The following AARS1 variants were observed in gnomAD, a reference collection of about 807,000 sequenced individuals.
AARS1 encodes alanine--tRNA ligase, cytoplasmic.
AARS1 carries 72 observed loss-of-function variants against 108.9 expected under a neutral mutation model. The ratio of observed to expected loss-of-function variants is 0.66; its 90% CI spans 0.55 to 0.80. AARS1 has a LOEUF of 0.80. Ranked by LOEUF, AARS1 falls within the 30% of genes least tolerant of loss-of-function variation. The pLI is 0.00. For synonymous variants in AARS1, 489 were observed against 465.7 expected, an observed-to-expected ratio of 1.05 and a Z score of -0.64; for missense variants, 1,193 against 1,233.2, an observed-to-expected ratio of 0.97 and a Z score of 0.49.
In AARS1 at chr16:70,257,997, G is replaced by A. The variant is rs749859755; in HGVS notation, c.2177+36C>T. The A allele has an allele frequency of 1.4e-5, 22 of 1,611,364 alleles. 1 individual carries two copies. In the South Asian group the frequency reaches 2.4e-4, roughly 18 times the overall value. On this transcript the variant is annotated intron_variant, in intron 15 of 20. Transcript: ENST00000261772. ...CCTACATCCTCAGAGGATGAAGGTA[G>A]ATGACCTGTCTACTCTGCCCCTCTG... is the stretch of plus-strand genomic sequence containing the variant.
In AARS1 at chr16:70,262,340, G is replaced by C; in HGVS notation, c.1671+6C>G. 1 of 1,614,120 alleles carries C rather than the reference G, an allele frequency of 6.2e-7. No homozygotes were observed. Among genetic ancestry groups the C allele is most frequent in the Non-Finnish European group, 8.5e-7 (1 of 1,180,006 alleles). On this transcript the variant is annotated splice_donor_region_variant and intron_variant, in intron 12 of 20. Transcript: ENST00000261772. ...CTCGGCTAACAAGGAAGAACTGTTG[G>C]CTCACATCTTCACTGCTGTCATCCA...
intron 2 of AARS1, among the ~76,000 whole-genome samples, chr16:70,279,728 G>A (rs1211727397): frequency 6.6e-6 from 1 of 151,484 alleles, no homozygotes; most frequent in Admixed American, 6.6e-5. Context: ...TCTTGTTCAG[G>A]CGGCTCATGT....
At chr16:70,285,032 C>T (rs1567613599) in intron 1 of AARS1, among the ~76,000 whole-genome samples, 1 of 152,150 alleles carries the variant, frequency 6.6e-6, no homozygotes, top group South Asian at 2.1e-4. Flanking sequence ...GAGTTGAAGA[C>T]CAGCCTGGCC....
intron 4 of AARS1, among the ~76,000 whole-genome samples, chr16:70,275,760 C>A (rs1960531693): frequency 6.8e-6 from 1 of 148,066 alleles, no homozygotes; most frequent in Non-Finnish European, 1.5e-5. Flanking sequence ...GAGACTCCAA[C>A]AACAACAACA....
At chr16:70,285,223 C>G (rs1311971094) in intron 1 of AARS1, among the ~76,000 whole-genome samples, 2 of 146,972 alleles carry the variant, frequency 1.4e-5, no homozygotes, top group African/African-American at 5.2e-5. Flanking sequence ...AGGGAGACTC[C>G]GTCTAAAAAA....
intron 2 of AARS1, among the ~76,000 whole-genome samples, chr16:70,281,121 C>T (rs772705230): frequency 1.1e-4 from 16 of 152,158 alleles, no homozygotes; most frequent in Admixed American, 3.9e-4. Flanking sequence ...TGAGCCACTG[C>T]GCCCAGCCTC....
intron 11 of AARS1, 128 bp from the exon 12 acceptor site, chr16:70,262,652 GA>G (rs1348016144): frequency 9.8e-7 from 1 of 1,015,466 alleles, no homozygotes. Flanking sequence ...TTGTATTTTG[GA>G]AGCAAACTCA....
intron 13 of AARS1, among the ~76,000 whole-genome samples, chr16:70,259,457 G>A (rs1020208070): frequency 8.5e-5 from 13 of 152,170 alleles, no homozygotes; most frequent in East Asian, 5.8e-4. Context: ...GCCAAATGAC[G>A]GCCGATGGCT....
intron 1 of AARS1, among the ~76,000 whole-genome samples, chr16:70,289,129 C>T (rs963589976): frequency 6.6e-6 from 1 of 152,156 alleles, no homozygotes; most frequent in Non-Finnish European, 1.5e-5. Flanking sequence ...GCCCATCCTT[C>T]CTCCCGTGCC....
rs769571418 is a variant in AARS1 at position 70,258,190 on chromosome 16, C to G, written c.2020G>C (p.Ala674Pro). The change falls in exon 15 of 21, where the codon GCA becomes CCA. Residue 674 changes from alanine (A) to proline (P), a missense_variant. Coordinates refer to ENST00000261772, the MANE Select transcript of AARS1 (RefSeq NM_001605.3). ...AGGCCCTGGATGGCTTTCGCTGCTG[C>G]CAGGGGGCAATCCTGGGTATAGACG... ...KAVYTQDCPL[A>P]AAKAIQGLRA... 6.2e-7 allele frequency: 1 copy of G among 1,601,954 alleles called. No homozygotes were observed. The highest frequency in any genetic ancestry group is 8.5e-7 in the Non-Finnish European group (1 of 1,173,674).
Position 70,279,888 on chromosome 16 carries a change from T to C in AARS1, c.144+2732A>G, listed in dbSNP as rs541814995. On this transcript the variant is annotated intron_variant, in intron 2 of 20. Coordinates refer to ENST00000261772, the MANE Select transcript of AARS1 (RefSeq NM_001605.3). ...TAGGACTCACACATAACTGAAAATA[T>C]TTTTCTTTTTTTTCCATTTTGAGAC... Among the ~76,000 whole-genome samples, 3 of 151,882 alleles carry C rather than the reference T, an allele frequency of 2.0e-5. No homozygotes were observed. The East Asian group carries it at 5.8e-4, about 29-fold the overall frequency.
At chr16:70,269,832 T>G (rs1438116345) in intron 6 of AARS1, 69 bp from the exon 7 acceptor site, 18 of 1,596,630 alleles carry the variant, frequency 1.1e-5, no homozygotes, top group Non-Finnish European at 1.5e-5. Flanking sequence ...CCCAAGGAGG[T>G]TCCTGGAGGA....
chr16:70,254,736 TG>T lies in AARS1; in HGVS notation c.2287-3del. 6.2e-7 allele frequency: 1 copy of T among 1,603,212 alleles called. No homozygotes were observed. The highest frequency in any genetic ancestry group is 8.5e-7 in the Non-Finnish European group (1 of 1,170,298). Reference sequence around the variant, plus strand: ...CAAGCTCTCTGCTTTCCTGAGGGCCTGGGAGGGGACACCGGGTCAACCCCAA... The same window carrying T: ...CAAGCTCTCTGCTTTCCTGAGGGCCTGGAGGGGACACCGGGTCAACCCCAA... On this transcript the variant is annotated splice_region_variant and splice_polypyrimidine_tract_variant and intron_variant, in intron 16 of 20. Coordinates refer to ENST00000261772, the MANE Select transcript of AARS1 (RefSeq NM_001605.3).
intron 2 of AARS1, among the ~76,000 whole-genome samples, chr16:70,280,265 G>A (rs1353338407): frequency 1.3e-5 from 2 of 151,934 alleles, no homozygotes; most frequent in African/African-American, 4.8e-5. Context: ...TGCCCAGGCT[G>A]GAGTGCAGTG....
chr16:70,260,466 C>A lies in AARS1; in HGVS notation c.1785+578G>T, dbSNP rs767982894. 2.6e-5 allele frequency among the ~76,000 whole-genome samples: 4 copies of A among 152,178 alleles called. No homozygotes were observed. The East Asian group carries it at 5.8e-4, about 22-fold the overall frequency. On this transcript the variant is annotated intron_variant, in intron 13 of 20. Coordinates refer to ENST00000261772, the MANE Select transcript of AARS1 (RefSeq NM_001605.3). The stretch of plus-strand genomic sequence containing the variant: ...AGCCTACCTCTTCATTCTTCAGCAT[C>A]CTTGGCTCCCAAAGAAGTAGGTGAC...
chr16:70,268,367 T>C lies in AARS1; in HGVS notation c.975A>G (p.Arg325=), dbSNP rs1960316794. The change falls in exon 8 of 21, where the codon AGA becomes AGG. Residue 325 remains arginine, a synonymous_variant. Coordinates refer to ENST00000261772, the MANE Select transcript of AARS1 (RefSeq NM_001605.3). The part of the protein sequence containing the change: ...PDNTGRGYVL[R]RILRRAVRYA... Reference sequence around the variant, plus strand: ...ATCGGACAGCTCGGCGGAGAATCCGTCTCAACACATATCTGTAAGAGGCAA... The same window carrying C: ...ATCGGACAGCTCGGCGGAGAATCCGCCTCAACACATATCTGTAAGAGGCAA... 6.2e-7 allele frequency: 1 copy of C among 1,613,976 alleles called. No homozygotes were observed. The highest frequency in any genetic ancestry group is 1.3e-5 in the African/African-American group (1 of 74,924).
chr16:70,282,560 A>T (rs1960727102), intron 2 of AARS1, 60 bp downstream of exon 2: 4 of 1,601,796 alleles, frequency 2.5e-6, no homozygotes, highest in Non-Finnish European at 2.6e-6. Context: ...CTGTGCTTTT[A>T]TCTGGGCTCT....
chr16:70,267,901 C>G, intron 8 of AARS1, 92 bp from the exon 9 acceptor site: 1 of 1,563,392 alleles, frequency 6.4e-7, no homozygotes, highest in Non-Finnish European at 8.8e-7. Context: ...GGTGCAGTGG[C>G]TCACGCCTGT....
At chr16:70,270,111 G>T (rs1421230414) in intron 6 of AARS1, 85 bp downstream of exon 6, 1 of 1,526,092 alleles carries the variant, frequency 6.6e-7, no homozygotes, top group East Asian at 2.3e-5. Flanking sequence ...CAAAGCATAT[G>T]GTCATTTTTT....
Sources: allele counts gnomAD v4.1 joint callset (sites outside exome capture counted in the v4.1 genomes callset), GRCh38; gene constraint gnomAD v4.1.1; transcripts MANE v1.5; gene names NCBI Gene and HGNC (gene_info 2026-07-23, HGNC 2026-07-21).